Variants in BCKDHB observed in about 807,000 individuals in gnomAD.
The protein encoded by BCKDHB is branched chain keto acid dehydrogenase E1 subunit beta.
Under a neutral mutation model 48.5 loss-of-function variants are expected in BCKDHB, and 41 were observed. The observed-to-expected ratio is 0.85, with a 90% CI of 0.66 to 1.10. The LOEUF (loss-of-function observed/expected upper bound fraction) is 1.10, where lower values mean the gene tolerates loss of function less well. Among genes scored for constraint, BCKDHB ranks in the 50% least tolerant of loss-of-function variants. The probability of loss-of-function intolerance (pLI) is 0.00; values close to 1 mark genes in which losing one functional copy is unlikely to be tolerated. For synonymous variants in BCKDHB, 201 were observed against 174.8 expected (o/e 1.15, Z -1.18); for missense variants, 496 against 494.2 (o/e 1.00, Z -0.03).
chr6:80,243,200 A>C (rs543550946), intron 8 of BCKDHB, among the ~76,000 whole-genome samples: 2 of 152,304 alleles, frequency 1.3e-5, no homozygotes, highest in Non-Finnish European at 2.9e-5. Context: ...CAGGGATATC[A>C]AGAGAATGCT....
chr6:80,217,337 T>G lies in BCKDHB; in HGVS notation c.951+14125T>G, dbSNP rs1036395196. Among the ~76,000 whole-genome samples the G allele has an allele frequency of 2.6e-5, 4 of 152,342 alleles. No individual in the cohort carries two copies. In the South Asian group the frequency reaches 8.3e-4, roughly 32 times the overall value. ...AAACACGTACTTTCTGTGCTTTCAT[T>G]TTTTTCTTCTAGGAACTTGGTTTGT... On this transcript the variant is annotated intron_variant, in intron 8 of 9. Coordinates refer to ENST00000320393, the MANE Select transcript of BCKDHB (RefSeq NM_183050.4).
intron 1 of BCKDHB, among the ~76,000 whole-genome samples, chr6:80,118,930 C>G (rs563121175): frequency 6.6e-6 from 1 of 152,314 alleles, no homozygotes; most frequent in East Asian, 1.9e-4. Context: ...GGCTGCACTT[C>G]TAGTTCTCTT....
chr6:80,174,146 C>T (rs181198212), intron 6 of BCKDHB, among the ~76,000 whole-genome samples: 14 of 152,042 alleles, frequency 9.2e-5, no homozygotes, highest in African/African-American at 3.4e-4. Flanking sequence ...TTCTTGTGTA[C>T]ATTTGGGAAT....
At chr6:80,252,202 G>A (rs1388679335) in intron 8 of BCKDHB, among the ~76,000 whole-genome samples, 1 of 152,164 alleles carries the variant, frequency 6.6e-6, no homozygotes, top group Non-Finnish European at 1.5e-5. Context: ...CAAGCCACCT[G>A]ATTGCAAAGT....
intron 9 of BCKDHB, among the ~76,000 whole-genome samples, chr6:80,322,691 A>C (rs1262168111): frequency 6.6e-6 from 1 of 152,164 alleles, no homozygotes; most frequent in Non-Finnish European, 1.5e-5. Context: ...TTAAAGTTGC[A>C]AAAATAGCAT....
At chr6:80,202,259 G>A (rs967417678) in intron 7 of BCKDHB, among the ~76,000 whole-genome samples, 3 of 152,030 alleles carry the variant, frequency 2.0e-5, no homozygotes, top group Non-Finnish European at 2.9e-5. Flanking sequence ...TTCAGACTGC[G>A]TTCCATTTTA....
chr6:80,443,376 G>C, the BCKDHB span: 1 of 151,746 alleles, frequency 6.6e-6, no homozygotes, highest in Non-Finnish European at 1.5e-5. Context: ...TAGGAATATG[G>C]CTGGGACCAT....
intron 9 of BCKDHB, among the ~76,000 whole-genome samples, chr6:80,299,116 T>G (rs1385852035): frequency 6.6e-6 from 1 of 152,152 alleles, no homozygotes; most frequent in African/African-American, 2.4e-5. Context: ...CTAACCTTCC[T>G]AAGTTGAGCC....
chr6:80,318,220 G>T (rs1768540874), intron 9 of BCKDHB, among the ~76,000 whole-genome samples: 1 of 152,136 alleles, frequency 6.6e-6, no homozygotes, highest in South Asian at 2.1e-4. Context: ...GCAAGATGTG[G>T]GGAGAATTGG....
chr6:80,402,563 C>T, the BCKDHB span, among the ~76,000 whole-genome samples: 1 of 151,858 alleles, frequency 6.6e-6, no homozygotes, highest in African/African-American at 2.4e-5. Context: ...TGTAGGTTGT[C>T]TCTTCACTCT....
At chr6:80,317,554 A>G (rs1768511621) in intron 9 of BCKDHB, among the ~76,000 whole-genome samples, 1 of 152,174 alleles carries the variant, frequency 6.6e-6, no homozygotes, top group Non-Finnish European at 1.5e-5. Flanking sequence ...AAGTTCACCA[A>G]TTTTAAAGGC....
chr6:80,430,124 A>C, the BCKDHB span, among the ~76,000 whole-genome samples: 1 of 152,166 alleles, frequency 6.6e-6, no homozygotes, highest in African/African-American at 2.4e-5. Flanking sequence ...TGAGATAATC[A>C]TGTGGTTTTT....
At chr6:80,353,240 A>G in the BCKDHB span, among the ~76,000 whole-genome samples, 2 of 151,992 alleles carry the variant, frequency 1.3e-5, no homozygotes, top group Non-Finnish European at 2.9e-5. Flanking sequence ...ATCTGATTTT[A>G]CTCTTTTTAA....
intron 9 of BCKDHB, among the ~76,000 whole-genome samples, chr6:80,314,749 C>T (rs1445200599): frequency 6.6e-6 from 1 of 152,162 alleles, no homozygotes; most frequent in Non-Finnish European, 1.5e-5. Context: ...GCACTCTGTC[C>T]GAGGGAGAGA....
chr6:80,388,609 C>T, the BCKDHB span, among the ~76,000 whole-genome samples: 2 of 152,166 alleles, frequency 1.3e-5, no homozygotes, highest in African/African-American at 4.8e-5. Context: ...GGTCAAGCAG[C>T]TCCTGAAGGC....
the BCKDHB span, among the ~76,000 whole-genome samples, chr6:80,442,083 G>A: frequency 4.6e-5 from 7 of 152,108 alleles, no homozygotes; most frequent in African/African-American, 1.2e-4. Context: ...AAAAATAAGT[G>A]TGCGAAACTG....
chr6:80,244,328 A>G (rs1209693284), intron 8 of BCKDHB, among the ~76,000 whole-genome samples: 1 of 152,250 alleles, frequency 6.6e-6, no homozygotes, highest in Admixed American at 6.5e-5. Context: ...GTTGTTGTAG[A>G]AGTAATAACT....
intron 3 of BCKDHB, among the ~76,000 whole-genome samples, chr6:80,142,466 A>G (rs1264448384): frequency 6.6e-6 from 1 of 152,078 alleles, no homozygotes; most frequent in East Asian, 1.9e-4. Context: ...TACTATAGCT[A>G]TATATTTAGC....
chr6:80,373,354 T>G, the BCKDHB span, among the ~76,000 whole-genome samples: 3 of 152,140 alleles, frequency 2.0e-5, no homozygotes, highest in Non-Finnish European at 4.4e-5. Flanking sequence ...TTGGTTAATC[T>G]TGCTAATGGT....
Sources: allele counts gnomAD v4.1 joint callset (sites outside exome capture counted in the v4.1 genomes callset), GRCh38; gene constraint gnomAD v4.1.1; transcripts MANE v1.5; gene names NCBI Gene and HGNC (gene_info 2026-07-23, HGNC 2026-07-21).